Variants in IGF1R observed in about 807,000 individuals in gnomAD.
IGF1R encodes insulin-like growth factor 1 receptor.
Under a neutral mutation model 144.6 loss-of-function variants are expected in IGF1R, and 44 were observed. That is an observed-to-expected ratio of 0.30 (90% CI 0.24 to 0.39). The LOEUF is 0.39. Among genes scored for constraint, IGF1R ranks in the 10% least tolerant of loss-of-function variants. The pLI is 1.00. For missense variants in IGF1R, 1,355 were observed against 1,833.7 expected (o/e 0.74, Z 4.77); for synonymous variants, 795 against 722.8 (o/e 1.10, Z -1.60).
chr15:98,804,068 C>A (rs2056420592), intron 2 of IGF1R, among the ~76,000 whole-genome samples: 1 of 152,152 alleles, frequency 6.6e-6, no homozygotes, highest in South Asian at 2.1e-4. Flanking sequence ...TATATTCTAT[C>A]CTTACAGGAC....
intron 2 of IGF1R, among the ~76,000 whole-genome samples, chr15:98,821,617 C>G (rs1197001352): frequency 6.6e-6 from 1 of 152,190 alleles, no homozygotes; most frequent in Non-Finnish European, 1.5e-5. Flanking sequence ...TATGACTGCT[C>G]TTCCATAGAT....
chr15:98,856,557 A>G (rs2011829700), intron 2 of IGF1R, among the ~76,000 whole-genome samples: 1 of 152,240 alleles, frequency 6.6e-6, no homozygotes, highest in Non-Finnish European at 1.5e-5. Flanking sequence ...AGTATTAAAG[A>G]TACTGAGCTG....
intron 2 of IGF1R, among the ~76,000 whole-genome samples, chr15:98,810,196 G>A (rs1201735012): frequency 6.6e-6 from 1 of 152,146 alleles, no homozygotes; most frequent in African/African-American, 2.4e-5. Flanking sequence ...TGAGAAACTT[G>A]ACTGGTGTAC....
intron 15 of IGF1R, among the ~76,000 whole-genome samples, chr15:98,932,305 AC>A (rs1567207480): frequency 6.6e-6 from 1 of 152,230 alleles, no homozygotes; most frequent in Non-Finnish European, 1.5e-5. Context: ...TCGAGGGGCA[AC>A]AAAATGACAT....
At chr15:98,665,050 C>T (rs1277593328) in intron 1 of IGF1R, among the ~76,000 whole-genome samples, 4 of 151,312 alleles carry the variant, frequency 2.6e-5, no homozygotes, top group Admixed American at 1.3e-4. Flanking sequence ...CTCCACCTCC[C>T]GGGTTCACGC....
intron 2 of IGF1R, among the ~76,000 whole-genome samples, chr15:98,778,048 G>A (rs976627480): frequency 1.3e-5 from 2 of 152,206 alleles, no homozygotes; most frequent in African/African-American, 2.4e-5. Flanking sequence ...TGACAATGCA[G>A]AGCTTAATAA....
At chr15:98,874,364 G>A (rs1433815052) in intron 2 of IGF1R, among the ~76,000 whole-genome samples, 2 of 152,220 alleles carry the variant, frequency 1.3e-5, no homozygotes, top group African/African-American at 4.8e-5. Flanking sequence ...AGCAAGTGCA[G>A]TTGGGAGAAA....
Position 98,691,651 on chromosome 15 carries a change from C to A in IGF1R, c.95-15911C>A, listed in dbSNP as rs562989536. 2.6e-4 allele frequency among the ~76,000 whole-genome samples: 40 copies of A among 152,236 alleles called. 1 individual carries two copies. Among genetic ancestry groups the A allele is most frequent in the Admixed American group, 2.0e-3 (31 of 15,298 alleles). The stretch of plus-strand genomic sequence containing the variant: ...GTGCTAAGATTACAGGTGTGAGCCA[C>A]CCTGCCCGGCCCATGGTTTTCTTAT... On this transcript the variant is annotated intron_variant, in intron 1 of 20. Transcript: ENST00000650285.
intron 1 of IGF1R, among the ~76,000 whole-genome samples, chr15:98,649,965 G>C (rs746499960): frequency 6.6e-6 from 1 of 152,202 alleles, no homozygotes; most frequent in Non-Finnish European, 1.5e-5. Flanking sequence ...CTAGGCGCGA[G>C]GACTCGGTAG....
rs1409072916 is a variant in IGF1R at position 98,962,704 on chromosome 15, G to A, written c.*5262G>A. ...TTACGAGCAGCAGGGTGCAGGGCTT[G>A]GAAGGAATGTGGGCAAGGTTTTGAA... is the stretch of plus-strand genomic sequence containing the variant. On this transcript the variant is annotated 3_prime_UTR_variant, in exon 21 of 21. Coordinates refer to ENST00000650285, the MANE Select transcript of IGF1R (RefSeq NM_000875.5). 1.7e-5 allele frequency: 4 copies of A among 233,578 alleles called. No individual in the cohort carries two copies. The East Asian group carries it at 2.4e-4, about 14-fold the overall frequency. The allele number at this position is 233,578 out of a possible 1,614,324, so 14.5% of individuals were successfully genotyped here.
chr15:98,817,171 C>T (rs1192386044), intron 2 of IGF1R, among the ~76,000 whole-genome samples: 2 of 151,750 alleles, frequency 1.3e-5, no homozygotes, highest in African/African-American at 4.8e-5. Context: ...GTGTGGTGGC[C>T]CATGCTTGTA....
intron 1 of IGF1R, among the ~76,000 whole-genome samples, chr15:98,668,793 C>G (rs1313581133): frequency 1.2e-5 from 1 of 83,284 alleles, no homozygotes; most frequent in East Asian, 5.2e-4. Flanking sequence ...AAAGCAGCTC[C>G]TCGTGACCCT....
intron 2 of IGF1R, among the ~76,000 whole-genome samples, chr15:98,727,719 T>C (rs929650344): frequency 6.6e-6 from 1 of 152,158 alleles, no homozygotes; most frequent in African/African-American, 2.4e-5. Flanking sequence ...GTCACAGGCT[T>C]TCCTCTCGGC....
intron 2 of IGF1R, among the ~76,000 whole-genome samples, chr15:98,739,734 G>A (rs144985072): frequency 0.014 from 2,187 of 152,286 alleles, 37 homozygotes; most frequent in Non-Finnish European, 0.018. Context: ...TGGAACTGCA[G>A]GTGCACGCCA....
intron 2 of IGF1R, among the ~76,000 whole-genome samples, chr15:98,730,895 C>A (rs1228619174): frequency 6.6e-6 from 1 of 151,984 alleles, no homozygotes; most frequent in Non-Finnish European, 1.5e-5. Flanking sequence ...ATTGTAGTCA[C>A]CGATGAATTA....
At chr15:98,918,261 G>T (rs758385477) in intron 10 of IGF1R, among the ~76,000 whole-genome samples, 4 of 152,024 alleles carry the variant, frequency 2.6e-5, no homozygotes, top group Admixed American at 2.6e-4. Flanking sequence ...CACAGCACCC[G>T]CTGCCAGCAC....
intron 2 of IGF1R, among the ~76,000 whole-genome samples, chr15:98,851,614 C>A (rs542227467): frequency 6.6e-6 from 1 of 152,208 alleles, no homozygotes; most frequent in Non-Finnish European, 1.5e-5. Context: ...TCCCCAGGTG[C>A]TGCCCAATTT....
chr15:98,747,545 T>C (rs1006872557), intron 2 of IGF1R, among the ~76,000 whole-genome samples: 8 of 152,230 alleles, frequency 5.3e-5, no homozygotes, highest in African/African-American at 1.7e-4. Context: ...GTCGATTAAT[T>C]GAATATAGGT....
At chr15:98,678,713 G>A (rs2053110242) in intron 1 of IGF1R, among the ~76,000 whole-genome samples, 1 of 151,742 alleles carries the variant, frequency 6.6e-6, no homozygotes, top group African/African-American at 2.4e-5. Flanking sequence ...TTGTAGAGAT[G>A]GGGTTTTGCC....
Sources: allele counts gnomAD v4.1 joint callset (sites outside exome capture counted in the v4.1 genomes callset), GRCh38; gene constraint gnomAD v4.1.1; transcripts MANE v1.5; gene names NCBI Gene and HGNC (gene_info 2026-07-23, HGNC 2026-07-21).